Variants in ANK2 observed in about 807,000 individuals in gnomAD.
ANK2 encodes the protein ankyrin-2.
Under a neutral mutation model 360.5 loss-of-function variants are expected in ANK2, and 83 were observed. The ratio of observed to expected loss-of-function variants is 0.23; its 90% CI spans 0.19 to 0.28. ANK2 has a LOEUF of 0.28. Ranked by LOEUF, ANK2 falls within the 10% of genes least tolerant of loss-of-function variation. The pLI, the probability that ANK2 is intolerant of heterozygous loss-of-function variation, is 1.00. For missense variants in ANK2, 4,201 were observed against 4,795.7 expected, an observed-to-expected ratio of 0.88 and a Z score of 3.66; for synonymous variants, 1,740 against 1,759.5, an observed-to-expected ratio of 0.99 and a Z score of 0.28.
intron 17 of ANK2, among the ~76,000 whole-genome samples, chr4:113,278,940 T>C (rs137891958): frequency 1.3e-5 from 2 of 152,336 alleles, no homozygotes; most frequent in Non-Finnish European, 2.9e-5. Context: ...CTCTCATTCT[T>C]TCCGACTTCA....
chr4:112,781,230 G>C, the ANK2 span, among the ~76,000 whole-genome samples: 1 of 152,014 alleles, frequency 6.6e-6, no homozygotes, highest in East Asian at 1.9e-4. Flanking sequence ...AAACTCCTAG[G>C]CTCAAGGGAT....
chr4:112,839,938 C>T (rs1280502340), intron 1 of ANK2, among the ~76,000 whole-genome samples: 1 of 152,126 alleles, frequency 6.6e-6, no homozygotes, highest in Non-Finnish European at 1.5e-5. Flanking sequence ...CTTTCTTGGC[C>T]AGGTTTGTAC....
intron 37 of ANK2, among the ~76,000 whole-genome samples, chr4:113,351,733 A>C (rs930482364): frequency 1.3e-5 from 2 of 152,190 alleles, no homozygotes; most frequent in Admixed American, 1.3e-4. Context: ...AAAAAGAAAA[A>C]AAAATGTTAC....
Position 113,357,743 on chromosome 4 carries a change from C to T in ANK2, c.9125C>T (p.Ser3042Phe). ...KVIITKTDVD[S>F]DSWSEIREDD... ...ATCATCACAAAAACTGATGTGGATT[C>T]TGATTCTTGGAGTGAAATTCGGGAA... Residue 3042 changes from serine to phenylalanine, a missense_variant, in exon 38 of 46, where the codon TCT (serine) becomes TTT (phenylalanine). Around this residue, in one of 4 missense-constraint regions of ANK2, gnomAD observed 2,642 missense variants for 2,714.5 expected, o/e 0.97. Coordinates refer to ENST00000357077, the MANE Select transcript of ANK2 (RefSeq NM_001148.6). 6.2e-7 allele frequency: 1 copy of T among 1,614,092 alleles called. No homozygotes were observed. Among genetic ancestry groups the T allele is most frequent in the Non-Finnish European group, 8.5e-7 (1 of 1,179,978 alleles).
intron 4 of ANK2, among the ~76,000 whole-genome samples, chr4:113,218,406 G>T (rs1267538145): frequency 2.0e-5 from 3 of 150,158 alleles, no homozygotes; most frequent in Non-Finnish European, 4.4e-5. Flanking sequence ...TTTTTGAATT[G>T]CCCTGCAAAG....
At chr4:112,876,063 A>AT (rs915687034) in intron 1 of ANK2, among the ~76,000 whole-genome samples, 17 of 147,046 alleles carry the variant, frequency 1.2e-4, no homozygotes, top group South Asian at 2.1e-4. Context: ...TATATTTCGG[A>AT]TTTTTTTTTT....
the ANK2 span, among the ~76,000 whole-genome samples, chr4:112,809,944 C>T: frequency 6.6e-6 from 1 of 150,930 alleles, no homozygotes; most frequent in Non-Finnish European, 1.5e-5. Flanking sequence ...TACAACATTT[C>T]AAATATTAAA....
chr4:113,152,066 AAAAAAAAAAAAAG>A (rs772870383), intron 1 of ANK2, among the ~76,000 whole-genome samples: 4,874 of 49,710 alleles, frequency 0.098, 185 homozygotes, highest in African/African-American at 0.15. Flanking sequence ...TCTCTGTCTC[AAAAAAAAAAAAAG>A]AAAAAAAAAA....
intron 1 of ANK2, among the ~76,000 whole-genome samples, chr4:113,076,702 G>A (rs1340522469): frequency 6.6e-6 from 1 of 151,834 alleles, no homozygotes; most frequent in African/African-American, 2.4e-5. Context: ...CAGCTGAGGC[G>A]GGAGGATCAC....
intron 1 of ANK2, among the ~76,000 whole-genome samples, chr4:112,864,812 C>G (rs1225437662): frequency 6.6e-6 from 1 of 150,416 alleles, no homozygotes; most frequent in Non-Finnish European, 1.5e-5. Context: ...GCGGGCGGAT[C>G]ACGAGGTCAG....
intron 2 of ANK2, among the ~76,000 whole-genome samples, chr4:112,959,156 A>C (rs916794977): frequency 2.0e-5 from 3 of 152,088 alleles, no homozygotes; most frequent in Admixed American, 6.5e-5. Context: ...GGCCAACAGC[A>C]GATTTATTAT....
intron 3 of ANK2, among the ~76,000 whole-genome samples, chr4:113,198,700 A>T (rs1471578254): frequency 6.6e-6 from 1 of 152,066 alleles, no homozygotes; most frequent in East Asian, 1.9e-4. Flanking sequence ...TGTTAATTAA[A>T]TTGCATGAAT....
In ANK2 at chr4:113,302,845, A is replaced by C; in HGVS notation, c.2548+6A>C. Reference sequence around the variant, plus strand: ...TGATGTTTCTGATGAAGAGGGTAAGACTTCTATTCAATCTTCTATGACACC... The same window carrying C: ...TGATGTTTCTGATGAAGAGGGTAAGCCTTCTATTCAATCTTCTATGACACC... On this transcript the variant is annotated splice_donor_region_variant and intron_variant, in intron 23 of 45. Transcript: ENST00000357077. The C allele has an allele frequency of 1.2e-6, 2 of 1,608,768 alleles. No homozygotes were observed. The highest frequency in any genetic ancestry group is 1.7e-6 in the Non-Finnish European group (2 of 1,175,140).
the ANK2 span, among the ~76,000 whole-genome samples, chr4:112,794,394 T>C: frequency 1.3e-5 from 2 of 152,186 alleles, no homozygotes; most frequent in African/African-American, 2.4e-5. Context: ...GATTAAGTGA[T>C]TGATAGAAGC....
intron 2 of ANK2, among the ~76,000 whole-genome samples, chr4:113,044,563 T>C (rs146394325): frequency 4.5e-4 from 69 of 152,322 alleles, no homozygotes; most frequent in Non-Finnish European, 6.8e-4. Flanking sequence ...CTCACAGTTA[T>C]GAAGACTAGA....
chr4:112,809,271 A>T, the ANK2 span, among the ~76,000 whole-genome samples: 2 of 150,464 alleles, frequency 1.3e-5, no homozygotes, highest in Admixed American at 6.6e-5. Flanking sequence ...TTAGAAATAA[A>T]TAAATAAGGG....
chr4:113,335,046 T>A (rs936156371), intron 29 of ANK2, among the ~76,000 whole-genome samples: 11 of 152,132 alleles, frequency 7.2e-5, no homozygotes, highest in Non-Finnish European at 1.3e-4. Flanking sequence ...TGTAAATGAT[T>A]TCTAAAAATG....
chr4:113,164,043 C>G lies in ANK2; in HGVS notation c.85-10373C>G, dbSNP rs556753947. 5.9e-5 allele frequency among the ~76,000 whole-genome samples: 9 copies of G among 152,224 alleles called. No individual in the cohort carries two copies. In the South Asian group the frequency reaches 1.7e-3, roughly 28 times the overall value. On this transcript the variant is annotated intron_variant, in intron 1 of 45. Coordinates refer to ENST00000357077, the MANE Select transcript of ANK2 (RefSeq NM_001148.6). ...GCAATCACTTACCAGTTTTTCATCT[C>G]TGTATGTTTGTCTATTCTGGACATT...
intron 1 of ANK2, among the ~76,000 whole-genome samples, chr4:113,092,272 C>G (rs1202758864): frequency 6.6e-6 from 1 of 152,158 alleles, no homozygotes; most frequent in East Asian, 1.9e-4. Context: ...ACATACATTA[C>G]AGCACTAAAT....
Sources: allele counts gnomAD v4.1 joint callset (sites outside exome capture counted in the v4.1 genomes callset), GRCh38; gene constraint gnomAD v4.1.1; regional missense constraint gnomAD v4.1.1; transcripts MANE v1.5; gene names NCBI Gene and HGNC (gene_info 2026-07-23, HGNC 2026-07-21).